Variants in RBM19 observed in about 807,000 individuals in gnomAD.
RBM19 encodes the protein probable RNA-binding protein 19.
RBM19 carries 94 observed loss-of-function variants against 116.8 expected under a neutral mutation model. That is an observed-to-expected ratio of 0.80 (90% confidence interval 0.68 to 0.95). The LOEUF is 0.95. RBM19 is among the 40% of genes least tolerant of loss of function. The pLI, the probability that RBM19 is intolerant of heterozygous loss-of-function variation, is 0.00. For synonymous variants in RBM19, 475 were observed against 494.1 expected (o/e 0.96, Z 0.51); for missense variants, 1,161 against 1,220.7 (o/e 0.95, Z 0.73).
At chr12:113,949,923 C>G (rs1326376512) in intron 9 of RBM19, among the ~76,000 whole-genome samples, 160 bp downstream of exon 9, 6 of 152,154 alleles carry the variant, frequency 3.9e-5, no homozygotes, top group Non-Finnish European at 8.8e-5. Flanking sequence ...GGATTTGGGT[C>G]TGTTTGCTCC....
chr12:113,855,624 A>G (rs1363422489), intron 22 of RBM19, among the ~76,000 whole-genome samples: 2 of 152,154 alleles, frequency 1.3e-5, no homozygotes, highest in African/African-American at 2.4e-5. Flanking sequence ...GAGCTTCAAC[A>G]GGGGGAGGAT....
rs778843105 is a variant in RBM19, at chr12:113,924,797, C to T, written c.2245-40G>A. The stretch of plus-strand genomic sequence containing the variant: ...AACAAGTATCATCAGCAGCTCTAAA[C>T]CACTATGCAGGCAAGGGCACCTGTC... On this transcript the variant is annotated intron_variant, in intron 17 of 23. Coordinates refer to ENST00000261741, the MANE Select transcript of RBM19 (RefSeq NM_016196.4). 51 of 1,503,926 alleles carry T rather than the reference C, an allele frequency of 3.4e-5. No individual in the cohort carries two copies. In the Middle Eastern group the frequency reaches 5.1e-4, roughly 15 times the overall value. The allele number at this position is 1,503,926 out of a possible 1,614,324, so 93.2% of individuals were successfully genotyped here.
At position 113,946,772 on chromosome 12, in the gene RBM19, C is replaced by T. The variant is rs553477157; in HGVS notation, c.1408-297G>A. Among the ~76,000 whole-genome samples the T allele has an allele frequency of 3.9e-5, 6 of 152,326 alleles. No homozygotes were observed. In the East Asian group the frequency reaches 9.6e-4, roughly 24 times the overall value. On this transcript the variant is annotated intron_variant, in intron 11 of 23. Transcript: ENST00000261741. The stretch of plus-strand genomic sequence containing the variant: ...GCCTGCATCGCATCCTGTCCCTGCA[C>T]CAGTGAGTAAGAATGTGAGGTCCAT...
chr12:113,911,841 G>C (rs144510025), intron 21 of RBM19, among the ~76,000 whole-genome samples: 1 of 152,184 alleles, frequency 6.6e-6, no homozygotes, highest in Non-Finnish European at 1.5e-5. Context: ...TATTACCACA[G>C]CATCATCACA....
intron 21 of RBM19, among the ~76,000 whole-genome samples, chr12:113,904,542 G>A (rs1881919447): frequency 6.6e-6 from 1 of 152,188 alleles, no homozygotes; most frequent in Non-Finnish European, 1.5e-5. Flanking sequence ...GTAAGGTGCT[G>A]TGCAGACATC....
At position 113,823,209 on chromosome 12, in the gene RBM19, C is replaced by T. The variant is rs761574237; in HGVS notation, c.*15G>A. ...TCCCCAGGGCCCCGGAGCCACACAC[C>T]CTCTCGGTGCCAGCTCACAGCTGAA... On this transcript the variant is annotated 3_prime_UTR_variant, in exon 24 of 24. Coordinates refer to ENST00000261741, the MANE Select transcript of RBM19 (RefSeq NM_016196.4). The T allele has an allele frequency of 8.1e-6, 13 of 1,605,976 alleles. No homozygotes were observed. The East Asian group carries it at 2.9e-4, about 36-fold the overall frequency.
At chr12:113,944,093 GT>G (rs71433305) in intron 13 of RBM19, among the ~76,000 whole-genome samples, 1,061 of 67,564 alleles carry the variant, frequency 0.016, 11 homozygotes, top group African/African-American at 0.049. Flanking sequence ...CCAGATGCAT[GT>G]TTTTTTTTTT....
chr12:113,843,798 A>G (rs1876711734), intron 23 of RBM19, among the ~76,000 whole-genome samples: 2 of 152,108 alleles, frequency 1.3e-5, no homozygotes, highest in Non-Finnish European at 2.9e-5. Flanking sequence ...CTGACTGAAC[A>G]CAACCTCTTG....
At chr12:113,846,609 C>A (rs1422406681) in intron 22 of RBM19, among the ~76,000 whole-genome samples, 1 of 152,166 alleles carries the variant, frequency 6.6e-6, no homozygotes, top group Non-Finnish European at 1.5e-5. Context: ...CTGTCCCCAG[C>A]AGCCAGGGGA....
chr12:113,909,865 G>A (rs1426066189), intron 21 of RBM19, among the ~76,000 whole-genome samples: 1 of 152,158 alleles, frequency 6.6e-6, no homozygotes, highest in Non-Finnish European at 1.5e-5. Context: ...CATGAGCCCG[G>A]CACTACGCTA....
chr12:113,839,183 C>T (rs1443918998), intron 23 of RBM19, among the ~76,000 whole-genome samples: 3 of 152,246 alleles, frequency 2.0e-5, no homozygotes, highest in Non-Finnish European at 4.4e-5. Flanking sequence ...TGCCAGGGCC[C>T]CAGGAGCTCT....
intron 2 of RBM19, 134 bp from the exon 3 acceptor site, chr12:113,960,312 G>A (rs542662864): frequency 6.1e-6 from 7 of 1,144,346 alleles, no homozygotes; most frequent in East Asian, 5.1e-5. Context: ...TAGATTACAC[G>A]TCACCCCTTA....
chr12:113,949,065 G>C, intron 9 of RBM19, 29 bp from the exon 10 acceptor site: 1 of 1,591,470 alleles, frequency 6.3e-7, no homozygotes, highest in Non-Finnish European at 8.6e-7. Flanking sequence ...AGGGCTCCAG[G>C]GGGAGGCCTA....
At position 113,910,200 on chromosome 12, in the gene RBM19, C is replaced by G. The variant is rs368835008; in HGVS notation, c.2558+4769G>C. Among the ~76,000 whole-genome samples the G allele has an allele frequency of 3.3e-5, 5 of 152,198 alleles. No homozygotes were observed. The East Asian group carries it at 5.8e-4, about 18-fold the overall frequency. On this transcript the variant is annotated intron_variant, in intron 21 of 23. Coordinates refer to ENST00000261741, the MANE Select transcript of RBM19 (RefSeq NM_016196.4). ...ACATGCTCCCATAAACACCTCCCTCCTTTAGTCAGCCTGTCCACCCACCCT... is the reference window on the plus strand; with the variant it reads ...ACATGCTCCCATAAACACCTCCCTCGTTTAGTCAGCCTGTCCACCCACCCT...
At chr12:113,862,404 T>C (rs1386561378) in intron 21 of RBM19, among the ~76,000 whole-genome samples, 4 of 152,062 alleles carry the variant, frequency 2.6e-5, no homozygotes, top group African/African-American at 9.6e-5. Context: ...TGGGATCATA[T>C]AAGGCCAATA....
chr12:113,911,404 A>G lies in RBM19; in HGVS notation c.2558+3565T>C, dbSNP rs145939256. Among the ~76,000 whole-genome samples, 423 of 152,250 alleles carry G rather than the reference A, an allele frequency of 2.8e-3. 2 individuals carry two copies. Among genetic ancestry groups the G allele is most frequent in the Middle Eastern group, 0.01 (3 of 294 alleles). On this transcript the variant is annotated intron_variant, in intron 21 of 23. Transcript: ENST00000261741. ...GAAAAAACAAAAACAAAACAAACAA[A>G]CAAAAAAACCAGGAAAACGCTGCCC...
At chr12:113,831,546 G>A (rs905836826) in intron 23 of RBM19, among the ~76,000 whole-genome samples, 16 of 152,144 alleles carry the variant, frequency 1.1e-4, no homozygotes, top group African/African-American at 3.9e-4. Context: ...TTCTCCTTCT[G>A]TCAGTTTAAT....
intron 7 of RBM19, among the ~76,000 whole-genome samples, chr12:113,953,517 G>A (rs1481945028): frequency 2.0e-5 from 3 of 152,098 alleles, no homozygotes; most frequent in Non-Finnish European, 4.4e-5. Context: ...AGATATACAC[G>A]ATCTACAAAT....
chr12:113,849,586 G>C (rs1296331469), intron 22 of RBM19, among the ~76,000 whole-genome samples: 2 of 152,236 alleles, frequency 1.3e-5, no homozygotes, highest in African/African-American at 2.4e-5. Flanking sequence ...GTCTGGCTCT[G>C]CTCCCAACAT....
Sources: allele counts gnomAD v4.1 joint callset (sites outside exome capture counted in the v4.1 genomes callset), GRCh38; gene constraint gnomAD v4.1.1; transcripts MANE v1.5; gene names NCBI Gene and HGNC (gene_info 2026-07-23, HGNC 2026-07-21).